The following HIBCH variants were observed in gnomAD, a reference collection of about 807,000 sequenced individuals.
HIBCH encodes the protein 3-hydroxyisobutyryl-CoA hydrolase, mitochondrial.
A neutral mutation model predicts 58.2 loss-of-function variants in HIBCH; 50 were observed. The ratio of observed to expected loss-of-function variants is 0.86; its 90% confidence interval spans 0.68 to 1.09. The LOEUF (loss-of-function observed/expected upper bound fraction) is 1.09. HIBCH is among the 50% of genes least tolerant of loss of function. The pLI is 0.00. For missense variants in HIBCH, 450 were observed against 449.7 expected, an observed-to-expected ratio of 1.00 and a Z score of -0.01; for synonymous variants, 151 against 146.9, an observed-to-expected ratio of 1.03 and a Z score of -0.20.
chr2:190,202,671 ATGAC>A (rs1336908456), downstream of HIBCH: 5 of 167,084 alleles, frequency 3.0e-5, no homozygotes, highest in Non-Finnish European at 7.3e-5. Context: ...TATAAAACAG[ATGAC>A]TGAAAGACTG....
intron 6 of HIBCH, among the ~76,000 whole-genome samples, chr2:190,275,776 A>T (rs949707414): frequency 6.6e-6 from 1 of 152,240 alleles, no homozygotes; most frequent in Non-Finnish European, 1.5e-5. Context: ...GAAAAAATTT[A>T]TCTTGTTCAT....
intron 11 of HIBCH, among the ~76,000 whole-genome samples, chr2:190,244,549 G>A (rs770231974): frequency 1.2e-4 from 18 of 152,118 alleles, no homozygotes; most frequent in Admixed American, 4.6e-4. Context: ...AATCTCCAGT[G>A]ACCCAGCCCT....
chr2:190,314,278 A>AAAT lies in HIBCH; in HGVS notation c.36-3483_36-3482insATT, dbSNP rs1553508425. Among the ~76,000 whole-genome samples the AAAT allele has an allele frequency of 1.8e-4, 16 of 87,702 alleles. 1 individual carries two copies. Among genetic ancestry groups the AAAT allele is most frequent in the African/African-American group, 2.7e-4 (7 of 25,810 alleles). The allele number at this position is 87,702 out of a possible 152,430, so 57.5% of individuals were successfully genotyped here. A position where few individuals can be genotyped will look rare whatever the true frequency, so the allele number is the denominator to read the frequency against. On this transcript the variant is annotated intron_variant, in intron 1 of 13. Coordinates refer to ENST00000359678, the MANE Select transcript of HIBCH (RefSeq NM_014362.4). ...TCTGTGGACCAGTTACTACAAAAAA[A>AAAT]ATATATATATATGTATATATACATA...
intron 10 of HIBCH, among the ~76,000 whole-genome samples, chr2:190,245,537 T>C (rs1686581151): frequency 6.6e-6 from 1 of 152,184 alleles, no homozygotes; most frequent in Non-Finnish European, 1.5e-5. Flanking sequence ...AAGATGAATT[T>C]ACAAAAATAA....
chr2:190,199,670 AAAAT>A, downstream of HIBCH: 1 of 1,393,162 alleles, frequency 7.2e-7, no homozygotes, highest in Non-Finnish European at 9.3e-7. Context: ...CTGTAACTTC[AAAAT>A]GAAACCTACC....
At chr2:190,225,814 C>CA (rs1027758777) in intron 11 of HIBCH, among the ~76,000 whole-genome samples, 1 of 151,904 alleles carries the variant, frequency 6.6e-6, no homozygotes, top group Admixed American at 6.5e-5. Context: ...AGAGACACCA[C>CA]AAAAAAAGGG....
At chr2:190,221,861 A>T (rs746535898) in intron 11 of HIBCH, among the ~76,000 whole-genome samples, 1 of 152,186 alleles carries the variant, frequency 6.6e-6, no homozygotes, top group Non-Finnish European at 1.5e-5. Flanking sequence ...CTCCAGGGGA[A>T]GATTGTCTTC....
intron 2 of HIBCH, among the ~76,000 whole-genome samples, chr2:190,305,175 T>C (rs1179000483): frequency 6.6e-6 from 1 of 151,986 alleles, no homozygotes; most frequent in African/African-American, 2.4e-5. Context: ...ACAGTAGGAA[T>C]AGAAAGAAAA....
chr2:190,255,562 T>C (rs544298111), intron 7 of HIBCH, among the ~76,000 whole-genome samples: 1 of 152,288 alleles, frequency 6.6e-6, no homozygotes, highest in South Asian at 2.1e-4. Context: ...TCAATAGTGT[T>C]TTCAACACAC....
chr2:190,244,770 A>G lies in HIBCH; in HGVS notation c.891+117T>C. ...AGCTCACCTAAATTTGGGAAAAAAG[A>G]AAACACAATGCATGGGCTATGTCAC... On this transcript the variant is annotated intron_variant, in intron 11 of 13. Transcript: ENST00000359678. 3.0e-5 allele frequency: 24 copies of G among 791,586 alleles called. No individual in the cohort carries two copies. The South Asian group carries it at 3.3e-4, about 11-fold the overall frequency. The allele number at this position is 791,586 out of a possible 1,614,324, so 49.0% of individuals were successfully genotyped here.
intron 1 of HIBCH, among the ~76,000 whole-genome samples, chr2:190,195,859 A>T (rs1179855896): frequency 6.7e-6 from 1 of 148,858 alleles, no homozygotes; most frequent in Non-Finnish European, 1.5e-5. Flanking sequence ...CTCCTATGTT[A>T]TCTTCTAGGA....
intron 6 of HIBCH, among the ~76,000 whole-genome samples, chr2:190,268,742 A>AT (rs538873748): frequency 2.0e-5 from 3 of 152,058 alleles, no homozygotes; most frequent in South Asian, 2.1e-4. Context: ...ACAAAAAGCA[A>AT]TTTTTTTTAA....
At chr2:190,305,908 AT>A (rs1362778854) in intron 2 of HIBCH, among the ~76,000 whole-genome samples, 1 of 152,212 alleles carries the variant, frequency 6.6e-6, no homozygotes, top group African/African-American at 2.4e-5. Flanking sequence ...CACAGGTAAA[AT>A]GGTGAAAACC....
Position 190,306,377 on chromosome 2 carries a change from T to C in HIBCH, c.78+4377A>G, listed in dbSNP as rs291438. On this transcript the variant is annotated intron_variant, in intron 2 of 13. Coordinates refer to ENST00000359678, the MANE Select transcript of HIBCH (RefSeq NM_014362.4). This position sits in a 1 kb window ranked among gnomAD's most constrained non-coding sequence, Gnocchi z 4.6. Reference sequence around the variant, plus strand: ...TAGCCACCATGAAGAAAAAGGTCTTTTGCTGTAGACTCCACGAAGAAGAAG... The same window carrying C: ...TAGCCACCATGAAGAAAAAGGTCTTCTGCTGTAGACTCCACGAAGAAGAAG... Among the ~76,000 whole-genome samples the C allele has an allele frequency of 0.71, 108,126 of 152,032 alleles. 39,111 individuals carry two copies. Among genetic ancestry groups the C allele is most frequent in the South Asian group, 0.75 (3,624 of 4,810 alleles).
At chr2:190,276,129 C>G (rs1456037169) in intron 6 of HIBCH, among the ~76,000 whole-genome samples, 1 of 152,152 alleles carries the variant, frequency 6.6e-6, no homozygotes, top group African/African-American at 2.4e-5. Context: ...GCAGACTGGT[C>G]AAGAGCAAAG....
At chr2:190,247,715 T>A (rs917420275) in intron 9 of HIBCH, among the ~76,000 whole-genome samples, 1 of 152,206 alleles carries the variant, frequency 6.6e-6, no homozygotes, top group East Asian at 1.9e-4. Context: ...TTTGTTATCA[T>A]CTTTAAAATT....
chr2:190,212,695 A>G lies in HIBCH; in HGVS notation c.1011+261T>C, dbSNP rs75553123. Among the ~76,000 whole-genome samples the G allele has an allele frequency of 8.9e-3, 1,349 of 152,300 alleles. 51 individuals are homozygous for G. The East Asian group carries it at 0.13, about 14-fold the overall frequency. ...CCATCGCTGAAAGACATTAATTTCT[A>G]TTTTGAATTCCTCTAAGATGAGGTT... On this transcript the variant is annotated intron_variant, in intron 12 of 13. Coordinates refer to ENST00000359678, the MANE Select transcript of HIBCH (RefSeq NM_014362.4).
chr2:190,258,626 C>T (rs777717864), intron 7 of HIBCH, among the ~76,000 whole-genome samples: 5 of 152,184 alleles, frequency 3.3e-5, no homozygotes, highest in African/African-American at 4.8e-5. Flanking sequence ...TGTGTATATA[C>T]GACAACAATC....
At chr2:190,259,185 G>C (rs536765361) in intron 7 of HIBCH, among the ~76,000 whole-genome samples, 25 of 152,222 alleles carry the variant, frequency 1.6e-4, no homozygotes, top group African/African-American at 5.8e-4. Flanking sequence ...GGATTACACT[G>C]AATCTGTAGA....
Sources: gnomAD v4.1 joint callset for allele counts (sites outside exome capture counted in the v4.1 genomes callset) on GRCh38, gnomAD v4.1.1 for gene constraint, Gnocchi (gnomAD v3.1) non-coding constraint, MANE v1.5 for transcripts, NCBI Gene and HGNC (gene_info 2026-07-23, HGNC 2026-07-21) for gene names.